Variants in CNTNAP2 observed in about 807,000 individuals in gnomAD.
CNTNAP2 encodes contactin-associated protein-like 2.
A neutral mutation model predicts 155.2 loss-of-function variants in CNTNAP2; 98 were observed. The observed-to-expected ratio is 0.63, with a 90% CI of 0.54 to 0.75. The LOEUF (loss-of-function observed/expected upper bound fraction) is 0.75. CNTNAP2 is among the 30% of genes least tolerant of loss of function. The pLI, the probability that CNTNAP2 is intolerant of heterozygous loss-of-function variation, is 0.00. For missense variants in CNTNAP2, 1,727 were observed against 1,688.1 expected, an observed-to-expected ratio of 1.02 and a Z score of -0.40; for synonymous variants, 651 against 631.2, an observed-to-expected ratio of 1.03 and a Z score of -0.47.
intron 16 of CNTNAP2, among the ~76,000 whole-genome samples, 176 bp downstream of exon 16, chr7:148,118,464 C>T (rs1337644944): frequency 6.6e-6 from 1 of 152,094 alleles, no homozygotes; most frequent in African/African-American, 2.4e-5. Flanking sequence ...AGTCCCTGTC[C>T]TTGGGATGCT....
chr7:147,872,368 G>A (rs985098818), intron 13 of CNTNAP2, among the ~76,000 whole-genome samples: 3 of 152,162 alleles, frequency 2.0e-5, no homozygotes, highest in South Asian at 2.1e-4. Flanking sequence ...CTACAGAACC[G>A]AATAGGAGAG....
chr7:147,284,952 CA>C (rs1805143337), intron 8 of CNTNAP2, among the ~76,000 whole-genome samples: 1 of 151,784 alleles, frequency 6.6e-6, no homozygotes, highest in African/African-American at 2.4e-5. Context: ...GAGAGGTTGG[CA>C]GGAAAAACCT....
chr7:147,495,809 C>G (rs1302055175), intron 11 of CNTNAP2, among the ~76,000 whole-genome samples: 1 of 152,108 alleles, frequency 6.6e-6, no homozygotes, highest in Non-Finnish European at 1.5e-5. Flanking sequence ...CCCCACAATA[C>G]CAGTTTGTGG....
intron 1 of CNTNAP2, among the ~76,000 whole-genome samples, chr7:146,665,791 A>AAAAAAAAAAAAAAAAAAAAAAACAAC (rs1800182453): frequency 1.4e-5 from 2 of 145,816 alleles, no homozygotes; most frequent in East Asian, 1.9e-4. Context: ...ATTAAAAAAA[A>AAAAAAAAAAAAAAAAAAAAAAACAAC]AAAAAAATAC....
rs1804486791 is a variant in CNTNAP2 at position 147,262,166 on chromosome 7, T to C, written c.1349-37975T>C. Among the ~76,000 whole-genome samples the C allele has an allele frequency of 2.0e-5, 3 of 152,280 alleles. No individual in the cohort carries two copies. In the South Asian group the frequency reaches 6.2e-4, roughly 32 times the overall value. On this transcript the variant is annotated intron_variant, in intron 8 of 23. Transcript: ENST00000361727. The stretch of plus-strand genomic sequence containing the variant: ...TAAGACAAAAGTTCAAGAAGGGCAG[T>C]GGAAGTGAATGTGGAACATACTGAA...
chr7:147,547,633 ACAC>A (rs1799764771), intron 11 of CNTNAP2, among the ~76,000 whole-genome samples: 4 of 142,410 alleles, frequency 2.8e-5, no homozygotes, highest in Non-Finnish European at 4.8e-5. Flanking sequence ...TCTTCTAAAC[ACAC>A]ACACACACAC....
intron 1 of CNTNAP2, among the ~76,000 whole-genome samples, chr7:146,244,164 TGATTAGA>T (rs1240958558): frequency 1.3e-5 from 2 of 152,178 alleles, no homozygotes; most frequent in African/African-American, 4.8e-5. Flanking sequence ...TCAGGACATC[TGATTAGA>T]GAGTGCCTAA....
chr7:146,893,417 ATGTATATATACATATG>A (rs1012520098), intron 3 of CNTNAP2, among the ~76,000 whole-genome samples: 12 of 151,462 alleles, frequency 7.9e-5, no homozygotes, highest in Non-Finnish European at 1.3e-4. Context: ...ATATACATAT[ATGTATATATACATATG>A]TGTGTGTATG....
chr7:147,985,318 C>G (rs1329163642), intron 15 of CNTNAP2, among the ~76,000 whole-genome samples: 3 of 151,302 alleles, frequency 2.0e-5, no homozygotes, highest in Admixed American at 6.6e-5. Context: ...CTCTGGGGCT[C>G]TCCTTGGTTC....
At chr7:147,951,936 T>C (rs1405449065) in intron 14 of CNTNAP2, among the ~76,000 whole-genome samples, 1 of 151,328 alleles carries the variant, frequency 6.6e-6, no homozygotes. Context: ...TAAAGTAAAA[T>C]TAATTAAATA....
At chr7:148,000,377 A>G (rs548745465) in intron 15 of CNTNAP2, among the ~76,000 whole-genome samples, 1 of 152,344 alleles carries the variant, frequency 6.6e-6, no homozygotes, top group African/African-American at 2.4e-5. Context: ...TAATTGTATG[A>G]TAATGATTGC....
chr7:147,610,793 C>T (rs940300346), intron 12 of CNTNAP2, among the ~76,000 whole-genome samples: 11 of 152,152 alleles, frequency 7.2e-5, no homozygotes, highest in African/African-American at 2.7e-4. Flanking sequence ...GGCTGGAGTG[C>T]AGTGGCATGA....
rs142425685 is a variant in CNTNAP2 at position 146,727,800 on chromosome 7, A to C, written c.98-46471A>C. Among the ~76,000 whole-genome samples the C allele has an allele frequency of 4.4e-3, 677 of 152,296 alleles. 4 individuals carry two copies. The highest frequency in any genetic ancestry group is 0.015 in the African/African-American group (644 of 41,558). On this transcript the variant is annotated intron_variant, in intron 1 of 23. Transcript: ENST00000361727. ...AGACGATTTTATTCGCTCTGTAAAT[A>C]TGTAGGTCAGGGTCTTAAGAAAATG... is the stretch of plus-strand genomic sequence containing the variant.
intron 21 of CNTNAP2, among the ~76,000 whole-genome samples, chr7:148,360,229 T>A: frequency 6.6e-6 from 1 of 152,156 alleles, no homozygotes; most frequent in Non-Finnish European, 1.5e-5. Flanking sequence ...AAGAACATAT[T>A]CTGCAACTAA....
chr7:146,813,787 T>C (rs995954515), intron 2 of CNTNAP2, among the ~76,000 whole-genome samples: 8 of 152,134 alleles, frequency 5.3e-5, no homozygotes, highest in Non-Finnish European at 1.2e-4. Flanking sequence ...TGAATTGTAA[T>C]TCCCATAATC....
intron 21 of CNTNAP2, among the ~76,000 whole-genome samples, chr7:148,331,622 C>CGGATGGAGTG (rs1563045807): frequency 0.013 from 142 of 11,100 alleles, 1 homozygote; most frequent in Admixed American, 0.02. Context: ...CGGATGGAGT[C>CGGATGGAGTG]GATGGATGGA....
chr7:147,849,206 T>G (rs2116663942), intron 13 of CNTNAP2, among the ~76,000 whole-genome samples: 1 of 152,356 alleles, frequency 6.6e-6, no homozygotes, highest in African/African-American at 2.4e-5. Context: ...TATGACAATC[T>G]GCACAGATGA....
chr7:146,521,411 T>C (rs1163194211), intron 1 of CNTNAP2, among the ~76,000 whole-genome samples: 1 of 151,960 alleles, frequency 6.6e-6, no homozygotes, highest in Non-Finnish European at 1.5e-5. Context: ...ATTCAGCCGA[T>C]TTTTTTGTAC....
At chr7:146,947,221 A>C (rs140634385) in intron 3 of CNTNAP2, among the ~76,000 whole-genome samples, 1 of 151,424 alleles carries the variant, frequency 6.6e-6, no homozygotes, top group African/African-American at 2.4e-5. Context: ...AGAAAAAAAA[A>C]AGTTTGGTCA....
Sources: gnomAD v4.1 joint callset for allele counts (sites outside exome capture counted in the v4.1 genomes callset) on GRCh38, gnomAD v4.1.1 for gene constraint, MANE v1.5 for transcripts, NCBI Gene and HGNC (gene_info 2026-07-23, HGNC 2026-07-21) for gene names.